The following UBA5 variants were observed in gnomAD, a reference collection of about 807,000 sequenced individuals.
The protein encoded by UBA5 is ubiquitin-like modifier-activating enzyme 5.
In UBA5, 28 loss-of-function variants were observed where a neutral mutation model predicts 52.9. The observed-to-expected ratio is 0.53, with a 90% CI of 0.39 to 0.73. The LOEUF is 0.73. Among genes scored for constraint, UBA5 ranks in the 30% least tolerant of loss-of-function variants. The probability of loss-of-function intolerance (pLI) is 0.00; values close to 1 mark genes in which losing one functional copy is unlikely to be tolerated. For missense variants in UBA5, 388 were observed against 492.7 expected, an observed-to-expected ratio of 0.79 and a Z score of 2.01; for synonymous variants, 135 against 162.1, an observed-to-expected ratio of 0.83 and a Z score of 1.27.
At chr3:132,667,166 T>C (rs1938411326) in intron 3 of UBA5, 1 of 152,164 alleles carries the variant, frequency 6.6e-6, no homozygotes, top group Non-Finnish European at 1.5e-5. Context: ...CAGTATCAGC[T>C]CTCAATACCT....
upstream of UBA5, among the ~76,000 whole-genome samples, chr3:132,655,975 T>C: frequency 6.6e-6 from 1 of 152,242 alleles, no homozygotes; most frequent in East Asian, 1.9e-4. Flanking sequence ...TGAGGAATAG[T>C]AATGCCACAA....
Position 132,665,916 on chromosome 3 carries a change from A to C in UBA5, c.207+48A>C, listed in dbSNP as rs750774818. 3 of 1,611,256 alleles carry C rather than the reference A, an allele frequency of 1.9e-6. No homozygotes were observed. In the African/African-American group the frequency reaches 4.0e-5, roughly 22 times the overall value. ...TTTTGTAAGATTAATTCAGTAAATT[A>C]AAATAACTTCTGGTGACATATTTGA... On this transcript the variant is annotated intron_variant, in intron 2 of 11. Coordinates refer to ENST00000356232, the MANE Select transcript of UBA5 (RefSeq NM_024818.6).
chr3:132,673,515 T>G (rs1362377825), intron 8 of UBA5, among the ~76,000 whole-genome samples: 1 of 151,878 alleles, frequency 6.6e-6, no homozygotes, highest in Non-Finnish European at 1.5e-5. Flanking sequence ...GCCTGGCTAA[T>G]TTTTGTATTT....
chr3:132,675,779 T>C (rs769409942), intron 10 of UBA5, 38 bp from the exon 11 acceptor site: 1 of 1,561,562 alleles, frequency 6.4e-7, no homozygotes, highest in Non-Finnish European at 8.8e-7. Flanking sequence ...TATTGCTTAT[T>C]AAATTCCTTA....
chr3:132,675,777 A>G lies in UBA5; in HGVS notation c.1025-40A>G, dbSNP rs759161287. 1.9e-6 allele frequency: 3 copies of G among 1,561,076 alleles called. No homozygotes were observed. The Admixed American group carries it at 5.3e-5, about 28-fold the overall frequency. ...TATACAAATTGAATAATTATTGCTT[A>G]TTAAATTCCTTAAAAACTGACATAG... On this transcript the variant is annotated intron_variant, in intron 10 of 11. Coordinates refer to ENST00000356232, the MANE Select transcript of UBA5 (RefSeq NM_024818.6).
chr3:132,668,837 A>G lies in UBA5; in HGVS notation c.317A>G (p.Asp106Gly), dbSNP rs1938484086. 6.2e-7 allele frequency: 1 copy of G among 1,605,244 alleles called. No individual in the cohort carries two copies. The highest frequency in any genetic ancestry group is 8.5e-7 in the Non-Finnish European group (1 of 1,177,430). Reference sequence around the variant, plus strand: ...TTTTAGTTGCTACTCTTTGATTATGACAAGGTGGAACTAGCCAATATGAAT... The same window carrying G: ...TTTTAGTTGCTACTCTTTGATTATGGCAAGGTGGAACTAGCCAATATGAAT... ...GIGKLLLFDYDKVELANMNRL... is the reference protein window; with the variant it reads ...GIGKLLLFDYGKVELANMNRL... The change falls in exon 4 of 12, where the codon GAC becomes GGC. Residue 106 changes from aspartate (D) to glycine (G), a missense_variant. Coordinates refer to ENST00000356232, the MANE Select transcript of UBA5 (RefSeq NM_024818.6).
chr3:132,666,251 A>T, intron 3 of UBA5, 178 bp downstream of exon 3: 1 of 570,006 alleles, frequency 1.8e-6, no homozygotes, highest in Non-Finnish European at 3.1e-6. Flanking sequence ...GTGATATTAG[A>T]CAAAGATTGT....
Position 132,669,588 on chromosome 3 carries a change from T to TA in UBA5, c.408-607dup, listed in dbSNP as rs201825529. Among the ~76,000 whole-genome samples the TA allele has an allele frequency of 1.2e-3, 184 of 152,304 alleles. 1 individual carries two copies. The highest frequency in any genetic ancestry group is 3.8e-3 in the African/African-American group (158 of 41,568). On this transcript the variant is annotated intron_variant, in intron 4 of 11. Coordinates refer to ENST00000356232, the MANE Select transcript of UBA5 (RefSeq NM_024818.6). ...CTGGCTGATAAAATTTTTATAGTCA[T>TA]AAATGTTCTTTTGATTTCTTTTCCC...
At chr3:132,673,396 G>A (rs1035053190) in intron 8 of UBA5, among the ~76,000 whole-genome samples, 9 of 152,078 alleles carry the variant, frequency 5.9e-5, no homozygotes, top group African/African-American at 1.9e-4. Flanking sequence ...TGCCCAAGCT[G>A]AAGTTCAGTG....
At chr3:132,672,236 T>C in intron 8 of UBA5, 59 bp downstream of exon 8, 4 of 1,545,756 alleles carry the variant, frequency 2.6e-6, no homozygotes, top group Non-Finnish European at 3.5e-6. Context: ...CATAAATATA[T>C]TTCACAAAGC....
intron 1 of UBA5, among the ~76,000 whole-genome samples, chr3:132,654,908 G>C (rs762991189): frequency 2.0e-5 from 3 of 152,178 alleles, no homozygotes; most frequent in African/African-American, 7.2e-5. Context: ...ATTTGAACCC[G>C]ATAGGACACA....
chr3:132,663,156 G>A (rs1018987637), intron 1 of UBA5, among the ~76,000 whole-genome samples: 25 of 152,184 alleles, frequency 1.6e-4, no homozygotes, highest in Non-Finnish European at 3.4e-4. Flanking sequence ...TCTTAAGCTC[G>A]CAACCCAGTT....
At position 132,660,755 on chromosome 3, in the gene UBA5, G is replaced by C. The variant is rs1220376835; in HGVS notation, c.161+57G>C. On this transcript the variant is annotated intron_variant, in intron 1 of 11. Transcript: ENST00000356232. The surrounding 1 kb of genome is among the most constrained non-coding windows in gnomAD (Gnocchi z 4.1). ...GGGGGACGAGGTCAGGCTCCGTGAG[G>C]TCAGAAGTGAGGCGCTTCCCACGTC... The C allele has an allele frequency of 3.5e-5, 51 of 1,469,810 alleles. No individual in the cohort carries two copies. The highest frequency in any genetic ancestry group is 4.4e-5 in the Non-Finnish European group (49 of 1,106,066). The allele number at this position is 1,469,810 out of a possible 1,614,324, so 91.0% of individuals were successfully genotyped here. A position where few individuals can be genotyped will look rare whatever the true frequency, so the allele number is the denominator to read the frequency against.
rs768117654 is a variant in UBA5, at chr3:132,670,235, T to C, written c.445T>C (p.Tyr149His). ...TGATGTTCTTTTTGAAGTACACAAC[T>C]ATAATATAACCACAGTGGAAAACTT... is the stretch of plus-strand genomic sequence containing the variant. The part of the protein sequence containing the change: ...NPDVLFEVHN[Y>H]NITTVENFQH... The change falls in exon 5 of 12, where the codon TAT becomes CAT. Residue 149 changes from tyrosine to histidine, a missense_variant. By Grantham distance (83) the Tyr-to-His change is moderately conservative (BLOSUM62 2). Coordinates refer to ENST00000356232, the MANE Select transcript of UBA5 (RefSeq NM_024818.6). The C allele has an allele frequency of 4.6e-6, 7 of 1,509,042 alleles. No homozygotes were observed. In the Admixed American group the frequency reaches 1.2e-4, roughly 27 times the overall value. The allele number at this position is 1,509,042 out of a possible 1,614,324, so 93.5% of individuals were successfully genotyped here.
intron 3 of UBA5, 36 bp from the exon 4 acceptor site, chr3:132,668,782 A>G (rs1308039898): frequency 1.5e-6 from 2 of 1,357,976 alleles, no homozygotes; most frequent in Non-Finnish European, 2.1e-6. Flanking sequence ...GTTTTTTGGT[A>G]TGTTTTTCAT....
upstream of UBA5, among the ~76,000 whole-genome samples, chr3:132,656,595 G>A (rs1937817797): frequency 2.0e-5 from 3 of 151,602 alleles, no homozygotes; most frequent in Non-Finnish European, 2.9e-5. Flanking sequence ...CCAGGTTCAA[G>A]CAATTCTCCT....
intron 1 of UBA5, among the ~76,000 whole-genome samples, chr3:132,662,189 G>T (rs1007439777): frequency 6.6e-6 from 1 of 152,136 alleles, no homozygotes; most frequent in East Asian, 1.9e-4. Flanking sequence ...TTGCACCATT[G>T]ACTTTATTAA....
intron 3 of UBA5, among the ~76,000 whole-genome samples, chr3:132,666,668 G>A (rs1006702084): frequency 6.6e-6 from 1 of 151,990 alleles, no homozygotes; most frequent in African/African-American, 2.4e-5. Flanking sequence ...TTAATTTGTT[G>A]TTCTGGTAAA....
upstream of UBA5, chr3:132,659,765 G>A: frequency 1.3e-6 from 2 of 1,581,690 alleles, no homozygotes; most frequent in South Asian, 1.1e-5. Flanking sequence ...CACCCCCGCA[G>A]GCCACAGCAA....
Sources: allele counts gnomAD v4.1 joint callset (sites outside exome capture counted in the v4.1 genomes callset), GRCh38; gene constraint gnomAD v4.1.1; non-coding constraint Gnocchi (gnomAD v3.1); transcripts MANE v1.5; gene names NCBI Gene and HGNC (gene_info 2026-07-23, HGNC 2026-07-21).